Variants in LPP observed in about 807,000 individuals in gnomAD.
The protein encoded by LPP is LIM domain containing preferred translocation partner in lipoma.
LPP carries 38 observed loss-of-function variants against 60.4 expected under a neutral mutation model. That is an observed-to-expected ratio of 0.63 (90% CI 0.49 to 0.83). The LOEUF is 0.83. Ranked by LOEUF, LPP falls within the 40% of genes least tolerant of loss-of-function variation. LPP has a pLI of 0.00. For synonymous variants in LPP, 328 were observed against 290.8 expected (o/e 1.13, Z -1.30); for missense variants, 902 against 783.6 (o/e 1.15, Z -1.80).
At chr3:188,863,648 T>C (rs1339644293) in intron 9 of LPP, among the ~76,000 whole-genome samples, 1 of 152,218 alleles carries the variant, frequency 6.6e-6, no homozygotes, top group Non-Finnish European at 1.5e-5. Flanking sequence ...TTCTACATCA[T>C]TCACTAGCCT....
At chr3:188,670,265 A>T (rs184464598) in intron 7 of LPP, among the ~76,000 whole-genome samples, 5 of 152,324 alleles carry the variant, frequency 3.3e-5, no homozygotes, top group Admixed American at 6.5e-5. Context: ...TAAAAAAATA[A>T]ATTAATTAGT....
intron 2 of LPP, chr3:188,240,123 T>A (rs1723460763): frequency 5.2e-6 from 1 of 191,862 alleles, no homozygotes; most frequent in African/African-American, 2.3e-5. Flanking sequence ...CCTGGGATGA[T>A]GGAGAGACTG....
At chr3:188,571,134 C>T (rs1264233614) in intron 6 of LPP, among the ~76,000 whole-genome samples, 2 of 152,008 alleles carry the variant, frequency 1.3e-5, no homozygotes, top group East Asian at 1.9e-4. Context: ...GGAAGATTTT[C>T]CTTCTGGGCA....
intron 9 of LPP, among the ~76,000 whole-genome samples, chr3:188,768,012 A>G (rs1250641653): frequency 6.6e-6 from 1 of 152,180 alleles, no homozygotes; most frequent in Admixed American, 6.5e-5. Context: ...CAAAAACTAC[A>G]GAAAATTAGG....
In LPP at chr3:188,878,772, A is replaced by AG. The variant is rs988029115; in HGVS notation, c.*4293_*4294insG. On this transcript the variant is annotated 3_prime_UTR_variant, in exon 12 of 12. Coordinates refer to ENST00000617246, the MANE Select transcript of LPP (RefSeq NM_001375462.1). ...AAAGTAAAAAAGTAAAAAAAAAAAA[A>AG]AAAGAAAGAAAGAAAAGAAAGAGAG... The AG allele has an allele frequency of 4.9e-5, 10 of 204,866 alleles. No individual in the cohort carries two copies. The highest frequency in any genetic ancestry group is 2.4e-4 in the Admixed American group (4 of 16,782). The allele number at this position is 204,866 out of a possible 1,614,324, so 12.7% of individuals were successfully genotyped here.
At chr3:188,280,251 G>A (rs536924944) in intron 2 of LPP, among the ~76,000 whole-genome samples, 5 of 152,288 alleles carry the variant, frequency 3.3e-5, no homozygotes, top group African/African-American at 9.6e-5. Flanking sequence ...AGGAGAAAGC[G>A]GAGCTGCATG....
chr3:188,821,009 C>CT (rs941681499), intron 9 of LPP, among the ~76,000 whole-genome samples: 20 of 151,912 alleles, frequency 1.3e-4, no homozygotes, highest in African/African-American at 4.3e-4. Flanking sequence ...CAGAAATTAT[C>CT]TTTTTTTGAT....
At chr3:188,350,139 G>A (rs989201218) in intron 3 of LPP, among the ~76,000 whole-genome samples, 1 of 152,290 alleles carries the variant, frequency 6.6e-6, no homozygotes, top group African/African-American at 2.4e-5. Context: ...AGACCAACGT[G>A]ACTTAGTAAT....
At chr3:188,240,350 T>C (rs1723764202) in intron 2 of LPP, among the ~76,000 whole-genome samples, 2 of 143,984 alleles carry the variant, frequency 1.4e-5, no homozygotes, top group African/African-American at 2.9e-5. Flanking sequence ...AGAGTGTGTG[T>C]GTGTGTGTGT....
In LPP at chr3:188,217,206, G is replaced by A. The variant is rs1320909519; in HGVS notation, c.-189-8199G>A. Among the ~76,000 whole-genome samples, 3 of 152,220 alleles carry A rather than the reference G, an allele frequency of 2.0e-5. No individual in the cohort carries two copies. Among genetic ancestry groups the A allele is most frequent in the African/African-American group, 7.2e-5 (3 of 41,478 alleles). On this transcript the variant is annotated intron_variant, in intron 1 of 11. Coordinates refer to ENST00000617246, the MANE Select transcript of LPP (RefSeq NM_001375462.1). The surrounding 1 kb of genome is among the most constrained non-coding windows in gnomAD (Gnocchi z 4.0). ...AAGGACTCTGGGAGGTTATGTTTAA[G>A]CTGAGATCTGAGTGACAAGGAGGCC...
chr3:188,769,007 T>C (rs1003429189), intron 9 of LPP, among the ~76,000 whole-genome samples: 1 of 152,154 alleles, frequency 6.6e-6, no homozygotes, highest in African/African-American at 2.4e-5. Context: ...TTTTAAATAT[T>C]GGAATAATGA....
At chr3:188,443,731 C>G (rs1209871098) in intron 4 of LPP, among the ~76,000 whole-genome samples, 1 of 152,150 alleles carries the variant, frequency 6.6e-6, no homozygotes, top group African/African-American at 2.4e-5. Flanking sequence ...AACAAGTGTT[C>G]CAGTTATAGC....
chr3:188,739,028 T>C (rs752269009), intron 8 of LPP, among the ~76,000 whole-genome samples: 12 of 152,150 alleles, frequency 7.9e-5, no homozygotes, highest in Non-Finnish European at 1.2e-4. Flanking sequence ...GTTTCTACTG[T>C]AAAAATGCCT....
intron 2 of LPP, among the ~76,000 whole-genome samples, chr3:188,297,361 G>A (rs904672548): frequency 5.3e-5 from 8 of 152,144 alleles, no homozygotes; most frequent in South Asian, 2.1e-4. Flanking sequence ...AGAGAATGTC[G>A]TAGGGTAAAA....
At chr3:188,167,485 A>G (rs1720318958) in intron 1 of LPP, among the ~76,000 whole-genome samples, 1 of 136,756 alleles carries the variant, frequency 7.3e-6, no homozygotes, top group Non-Finnish European at 1.5e-5. Context: ...TGGGCAACGG[A>G]GCAAGACTCC....
At chr3:188,344,045 A>G (rs544262244) in intron 3 of LPP, among the ~76,000 whole-genome samples, 64 of 152,208 alleles carry the variant, frequency 4.2e-4, no homozygotes, top group Non-Finnish European at 7.9e-4. Context: ...CGGAATCTGC[A>G]ACAGTATACC....
At chr3:188,394,181 C>T (rs945629312) in intron 3 of LPP, among the ~76,000 whole-genome samples, 1 of 152,114 alleles carries the variant, frequency 6.6e-6, no homozygotes, top group Admixed American at 6.5e-5. Flanking sequence ...AGCTGAAACA[C>T]ATAAAGATGT....
At chr3:188,825,452 G>A (rs187612561) in intron 9 of LPP, among the ~76,000 whole-genome samples, 55 of 152,034 alleles carry the variant, frequency 3.6e-4, no homozygotes, top group Non-Finnish European at 1.6e-4. Context: ...CGAGAGTTGG[G>A]TGTATATACT....
chr3:188,164,645 C>A (rs1437368898), intron 1 of LPP, among the ~76,000 whole-genome samples: 3 of 152,128 alleles, frequency 2.0e-5, no homozygotes, highest in Admixed American at 1.3e-4. Context: ...TAAGTGACAC[C>A]TTTTCTTAGA....
Sources: allele counts gnomAD v4.1 joint callset (sites outside exome capture counted in the v4.1 genomes callset), GRCh38; gene constraint gnomAD v4.1.1; non-coding constraint Gnocchi (gnomAD v3.1); transcripts MANE v1.5; gene names NCBI Gene and HGNC (gene_info 2026-07-23, HGNC 2026-07-21).